MMP20: variants seen among roughly 807,000 people sequenced by gnomAD.
MMP20 encodes the protein matrix metallopeptidase 20, also known as matrix metalloproteinase-20.
A neutral mutation model predicts 51.8 loss-of-function variants in MMP20; 50 were observed. The observed-to-expected ratio is 0.97, with a 90% confidence interval of 0.77 to 1.22. The LOEUF (loss-of-function observed/expected upper bound fraction) is 1.22, where lower values mean the gene tolerates loss of function less well. Ranked by LOEUF, MMP20 falls within the 50% of genes most tolerant of loss-of-function variation. MMP20 has a pLI of 0.00. For synonymous variants in MMP20, 244 were observed against 216.2 expected (o/e 1.13, Z -1.13); for missense variants, 663 against 601.4 (o/e 1.10, Z -1.07).
chr11:102,581,201 C>T (rs1431608060), intron 8 of MMP20, among the ~76,000 whole-genome samples: 2 of 151,512 alleles, frequency 1.3e-5, no homozygotes, highest in Non-Finnish European at 2.9e-5. Flanking sequence ...ACACACACAC[C>T]TGGCACATGT....
At chr11:102,609,799 C>G (rs1185687681) in intron 4 of MMP20, 106 bp downstream of exon 4, 7 of 1,521,572 alleles carry the variant, frequency 4.6e-6, no homozygotes, top group Non-Finnish European at 5.4e-6. Context: ...CCTAGCCAGC[C>G]CCCCTAGTTA....
At chr11:102,586,589 G>A (rs769394975) in intron 8 of MMP20, among the ~76,000 whole-genome samples, 4 of 151,938 alleles carry the variant, frequency 2.6e-5, no homozygotes, top group Non-Finnish European at 5.9e-5. Flanking sequence ...TGAGGTGGGC[G>A]GATCACGAGG....
At chr11:102,623,271 C>G (rs1409267765) in intron 1 of MMP20, among the ~76,000 whole-genome samples, 1 of 152,184 alleles carries the variant, frequency 6.6e-6, no homozygotes, top group Non-Finnish European at 1.5e-5. Context: ...GTCCCCTGAT[C>G]CTGGGCTGCA....
intron 6 of MMP20, among the ~76,000 whole-genome samples, chr11:102,598,609 C>T (rs1320512851): frequency 6.6e-6 from 1 of 152,206 alleles, no homozygotes; most frequent in Non-Finnish European, 1.5e-5. Context: ...AGAACAGTAA[C>T]TAACTCATCA....
In MMP20 at chr11:102,594,451, C is replaced by A. The variant is rs538647003; in HGVS notation, c.1090+170G>T. On this transcript the variant is annotated intron_variant, in intron 7 of 9. Coordinates refer to ENST00000260228, the MANE Select transcript of MMP20 (RefSeq NM_004771.4). ...CACTGCCATCATTTCCATTGTTACA[C>A]AATGTCGGGTATAACAAATGTAGGG... Among the ~76,000 whole-genome samples, 19 of 152,308 alleles carry A rather than the reference C, an allele frequency of 1.2e-4. 1 individual carries two copies. Among genetic ancestry groups the A allele is most frequent in the South Asian group, 8.3e-4 (4 of 4,828 alleles).
At chr11:102,597,263 A>C (rs951546167) in intron 6 of MMP20, among the ~76,000 whole-genome samples, 4 of 152,230 alleles carry the variant, frequency 2.6e-5, no homozygotes, top group Admixed American at 2.6e-4. Context: ...AGGCAAAGCT[A>C]AGTCCTACTT....
intron 6 of MMP20, among the ~76,000 whole-genome samples, chr11:102,602,811 C>A (rs181034205): frequency 1.4e-3 from 208 of 152,084 alleles, no homozygotes; most frequent in Non-Finnish European, 2.0e-3. Context: ...TTGATTTTAC[C>A]CTTAAAATTA....
At chr11:102,614,751 C>CA (rs944255962) in intron 2 of MMP20, among the ~76,000 whole-genome samples, 4 of 151,656 alleles carry the variant, frequency 2.6e-5, no homozygotes, top group African/African-American at 9.7e-5. Flanking sequence ...CTCCTTTGAT[C>CA]AAATGGACTC....
chr11:102,600,341 A>T lies in MMP20; in HGVS notation c.954-5584T>A, dbSNP rs150979211. Reference sequence around the variant, plus strand: ...GTATTTCTTTTTCTCCACTGTCTTCAAACATGAACAGTTCCCTCTTTGAAA... The same window carrying T: ...GTATTTCTTTTTCTCCACTGTCTTCTAACATGAACAGTTCCCTCTTTGAAA... On this transcript the variant is annotated intron_variant, in intron 6 of 9. Transcript: ENST00000260228. 2.6e-4 allele frequency among the ~76,000 whole-genome samples: 40 copies of T among 152,316 alleles called. No individual in the cohort carries two copies. In the East Asian group the frequency reaches 7.7e-3, roughly 29 times the overall value.
rs1379824079 is a variant in MMP20, at chr11:102,606,753, G to A, written c.812-77C>T. 6.5e-6 allele frequency: 10 copies of A among 1,546,036 alleles called. No homozygotes were observed. In the South Asian group the frequency reaches 1.1e-4, roughly 17 times the overall value. ...ACACTTCTGCTCTAGAGCCCCAGGG[G>A]AGGTTGTACACTTTCACGCTGGACA... is the stretch of plus-strand genomic sequence containing the variant. On this transcript the variant is annotated intron_variant, in intron 5 of 9. Transcript: ENST00000260228.
At chr11:102,586,469 G>A (rs1859255430) in intron 8 of MMP20, among the ~76,000 whole-genome samples, 1 of 151,820 alleles carries the variant, frequency 6.6e-6, no homozygotes, top group Non-Finnish European at 1.5e-5. Flanking sequence ...TTTTATTTCT[G>A]TAAGGTGAGT....
intron 8 of MMP20, among the ~76,000 whole-genome samples, chr11:102,590,125 G>T (rs967798831): frequency 1.6e-4 from 25 of 152,176 alleles, no homozygotes; most frequent in Non-Finnish European, 3.2e-4. Flanking sequence ...GACACCCCCT[G>T]CTGCCAGAAA....
intron 6 of MMP20, among the ~76,000 whole-genome samples, chr11:102,599,218 C>A (rs1040542186): frequency 1.3e-5 from 2 of 152,112 alleles, no homozygotes; most frequent in Non-Finnish European, 2.9e-5. Flanking sequence ...TGGGGTTTGA[C>A]CATGTTGGCC....
chr11:102,600,169 T>A (rs1156665186), intron 6 of MMP20, among the ~76,000 whole-genome samples: 2 of 152,148 alleles, frequency 1.3e-5, no homozygotes, highest in East Asian at 3.8e-4. Flanking sequence ...AAAAGACACA[T>A]TCCCAGGGAG....
At chr11:102,623,889 G>T (rs936641892) in intron 1 of MMP20, among the ~76,000 whole-genome samples, 1 of 152,194 alleles carries the variant, frequency 6.6e-6, no homozygotes, top group Non-Finnish European at 1.5e-5. Context: ...TGGGAAGAAG[G>T]CACCTAAAGC....
In MMP20 at chr11:102,622,341, A is replaced by G. The variant is rs551119547; in HGVS notation, c.126+2853T>C. 1.6e-4 allele frequency among the ~76,000 whole-genome samples: 24 copies of G among 152,316 alleles called. 1 individual carries two copies. The South Asian group carries it at 4.8e-3, about 30-fold the overall frequency. ...AGCGTGACCCAGGCCACCAGGCACCAGAGGACCTGCTGGCCTCACCTGTCC... is the reference window on the plus strand; with the variant it reads ...AGCGTGACCCAGGCCACCAGGCACCGGAGGACCTGCTGGCCTCACCTGTCC... On this transcript the variant is annotated intron_variant, in intron 1 of 9. Transcript: ENST00000260228.
chr11:102,579,275 T>G, intron 8 of MMP20, 133 bp from the exon 9 acceptor site: 1 of 655,510 alleles, frequency 1.5e-6, no homozygotes. Flanking sequence ...CACATACACA[T>G]ACACATGCAT....
intron 1 of MMP20, 38 bp downstream of exon 1, chr11:102,625,156 C>A (rs1460412063): frequency 3.1e-6 from 5 of 1,612,060 alleles, no homozygotes; most frequent in Admixed American, 1.7e-5. Context: ...TTTTCTAGGG[C>A]AGAGGAGCAA....
intron 2 of MMP20, among the ~76,000 whole-genome samples, chr11:102,614,127 C>T (rs1200507959): frequency 2.0e-5 from 3 of 152,212 alleles, no homozygotes; most frequent in Admixed American, 6.5e-5. Flanking sequence ...ATCCTCACTT[C>T]GACCCCTAAG....
Sources: gnomAD v4.1 joint callset for allele counts (sites outside exome capture counted in the v4.1 genomes callset) on GRCh38, gnomAD v4.1.1 for gene constraint, MANE v1.5 for transcripts, NCBI Gene and HGNC (gene_info 2026-07-23, HGNC 2026-07-21) for gene names.